Variants in PPP2R2A observed in about 807,000 individuals in gnomAD.
PPP2R2A encodes serine/threonine-protein phosphatase 2A 55 kDa regulatory subunit B alpha isoform.
In PPP2R2A, 9 loss-of-function variants were observed where a neutral mutation model predicts 53.2. That is an observed-to-expected ratio of 0.17 (90% CI 0.10 to 0.30). The LOEUF is 0.30. PPP2R2A is among the 10% of genes least tolerant of loss of function. The pLI, the probability that PPP2R2A is intolerant of heterozygous loss-of-function variation, is 1.00. For synonymous variants in PPP2R2A, 169 were observed against 174.2 expected, an observed-to-expected ratio of 0.97 and a Z score of 0.23; for missense variants, 235 against 534.6, an observed-to-expected ratio of 0.44 and a Z score of 5.53.
intron 9 of PPP2R2A, among the ~76,000 whole-genome samples, chr8:26,369,268 C>G (rs1805543342): frequency 6.6e-6 from 1 of 151,996 alleles, no homozygotes; most frequent in South Asian, 2.1e-4. Context: ...ACTCTGTCAC[C>G]CAGGCTGGAG....
intron 7 of PPP2R2A, chr8:26,363,387 C>T (rs757285575): frequency 1.5e-5 from 3 of 194,518 alleles, no homozygotes; most frequent in Non-Finnish European, 3.1e-5. Flanking sequence ...GTGTGTTTCT[C>T]ATGGTGATGA....
chr8:26,366,535 G>A, intron 9 of PPP2R2A, 129 bp downstream of exon 9: 1 of 534,916 alleles, frequency 1.9e-6, no homozygotes. Context: ...TAGCACAGCA[G>A]TACTGGTAGA....
chr8:26,312,648 A>G (rs1802342638), intron 2 of PPP2R2A, among the ~76,000 whole-genome samples: 2 of 152,176 alleles, frequency 1.3e-5, no homozygotes, highest in Admixed American at 1.3e-4. Flanking sequence ...CACGTTAGCC[A>G]TCTCTAGTTG....
intron 2 of PPP2R2A, among the ~76,000 whole-genome samples, chr8:26,307,680 G>T (rs1174846859): frequency 2.0e-5 from 3 of 152,156 alleles, no homozygotes; most frequent in Non-Finnish European, 4.4e-5. Flanking sequence ...AAACAACTTT[G>T]ATTATAAATG....
In PPP2R2A at chr8:26,292,307, C is replaced by T. The variant is rs545566883; in HGVS notation, c.7+481C>T. On this transcript the variant is annotated intron_variant, in intron 1 of 9. Coordinates refer to ENST00000380737, the MANE Select transcript of PPP2R2A (RefSeq NM_002717.4). ...GAAGAGCGCCTTATAAGTTAAAATA[C>T]AGTGGGGGCATATGTGTATTTTTTC... The T allele has an allele frequency of 9.1e-6, 9 of 989,542 alleles. No individual in the cohort carries two copies. The East Asian group carries it at 4.5e-4, about 49-fold the overall frequency. The allele number at this position is 989,542 out of a possible 1,614,324, so 61.3% of individuals were successfully genotyped here.
At chr8:26,344,790 A>T (rs888864270) in intron 3 of PPP2R2A, among the ~76,000 whole-genome samples, 2 of 152,112 alleles carry the variant, frequency 1.3e-5, no homozygotes, top group African/African-American at 4.8e-5. Flanking sequence ...ACCTAATTTT[A>T]CCCGTTGAGC....
chr8:26,307,841 T>C (rs919519763), intron 2 of PPP2R2A, among the ~76,000 whole-genome samples: 4 of 152,332 alleles, frequency 2.6e-5, no homozygotes, highest in Non-Finnish European at 5.9e-5. Context: ...AGTAACTTGC[T>C]CAAAGTCACG....
In PPP2R2A at chr8:26,354,379, A is replaced by G; in HGVS notation, c.181-89A>G. On this transcript the variant is annotated intron_variant, in intron 3 of 9. Transcript: ENST00000380737. This position sits in a 1 kb window ranked among gnomAD's most constrained non-coding sequence, Gnocchi z 4.6. ...AGACACAACTAATGGGGTATTGAGA[A>G]TGTGCAGGGTCCTTTGGAATTGATT... 9.4e-7 allele frequency: 1 copy of G among 1,061,236 alleles called. No homozygotes were observed. The highest frequency in any genetic ancestry group is 1.3e-6 in the Non-Finnish European group (1 of 772,608). The allele number at this position is 1,061,236 out of a possible 1,614,324, so 65.7% of individuals were successfully genotyped here. A position where few individuals can be genotyped will look rare whatever the true frequency, so the allele number is the denominator to read the frequency against.
At chr8:26,330,899 T>C (rs1485818164) in intron 2 of PPP2R2A, among the ~76,000 whole-genome samples, 2 of 152,182 alleles carry the variant, frequency 1.3e-5, no homozygotes. Context: ...AAATGTTTGT[T>C]GTTAAACTTT....
intron 2 of PPP2R2A, among the ~76,000 whole-genome samples, chr8:26,311,235 TTA>T (rs1306057404): frequency 6.6e-6 from 1 of 152,210 alleles, no homozygotes; most frequent in Admixed American, 6.5e-5. Context: ...ATTGATGTAG[TTA>T]TTTTTCTATC....
At chr8:26,333,552 TCA>T (rs1563304556) in intron 2 of PPP2R2A, 1 of 1,187,724 alleles carries the variant, frequency 8.4e-7, no homozygotes, top group Non-Finnish European at 1.1e-6. Flanking sequence ...ATAAAGTGCC[TCA>T]CAACACAAGA....
chr8:26,347,453 A>G (rs1005803386), intron 3 of PPP2R2A, among the ~76,000 whole-genome samples: 6 of 151,734 alleles, frequency 4.0e-5, no homozygotes, highest in Non-Finnish European at 8.8e-5. Context: ...AGTAATGTGT[A>G]AAATGTAGAA....
chr8:26,361,241 C>G (rs1805066757), intron 6 of PPP2R2A, 90 bp downstream of exon 6: 3 of 1,326,996 alleles, frequency 2.3e-6, no homozygotes, highest in South Asian at 3.0e-5. Flanking sequence ...AATTTGGTTG[C>G]TTTTTATAGT....
At chr8:26,293,618 T>A in intron 1 of PPP2R2A, 48 bp from the exon 2 acceptor site, 1 of 1,559,652 alleles carries the variant, frequency 6.4e-7, no homozygotes, top group African/African-American at 1.4e-5. Context: ...TTTACGAGAG[T>A]CAACATAAGC....
chr8:26,349,332 A>C (rs753101938), intron 3 of PPP2R2A, among the ~76,000 whole-genome samples: 11 of 152,204 alleles, frequency 7.2e-5, no homozygotes, highest in South Asian at 2.1e-4. Flanking sequence ...ATGTACTGTC[A>C]ATGTTTTCTC....
intron 2 of PPP2R2A, among the ~76,000 whole-genome samples, chr8:26,305,756 T>A (rs1801988591): frequency 6.6e-6 from 1 of 152,226 alleles, no homozygotes; most frequent in African/African-American, 2.4e-5. Context: ...ATTTTACAGA[T>A]GATACTAGAG....
At chr8:26,339,481 A>G (rs2117329171) in intron 3 of PPP2R2A, among the ~76,000 whole-genome samples, 1 of 152,322 alleles carries the variant, frequency 6.6e-6, no homozygotes, top group Middle Eastern at 3.4e-3. Flanking sequence ...AGTTGCATGT[A>G]CATGCATGTA....
At chr8:26,301,311 CT>C (rs922499690) in intron 2 of PPP2R2A, among the ~76,000 whole-genome samples, 9 of 142,026 alleles carry the variant, frequency 6.3e-5, no homozygotes, top group East Asian at 2.0e-4. Flanking sequence ...TAATGCCATT[CT>C]TTTTTTTTTC....
At chr8:26,350,762 C>T (rs974851341) in intron 3 of PPP2R2A, 3 of 152,096 alleles carry the variant, frequency 2.0e-5, no homozygotes, top group Non-Finnish European at 2.9e-5. Context: ...AAGTGACTAT[C>T]GAAATCTCTT....
Sources: allele counts gnomAD v4.1 joint callset (sites outside exome capture counted in the v4.1 genomes callset), GRCh38; gene constraint gnomAD v4.1.1; non-coding constraint Gnocchi (gnomAD v3.1); transcripts MANE v1.5; gene names NCBI Gene and HGNC (gene_info 2026-07-23, HGNC 2026-07-21).